Variants in DNAH9 observed in about 807,000 individuals in gnomAD.
DNAH9 encodes DNAH9 variant protein.
DNAH9 carries 345 observed loss-of-function variants against 471.6 expected under a neutral mutation model. The ratio of observed to expected loss-of-function variants is 0.73; its 90% CI spans 0.67 to 0.80. The LOEUF (loss-of-function observed/expected upper bound fraction) is 0.80, where lower values mean the gene tolerates loss of function less well. Among genes scored for constraint, DNAH9 ranks in the 30% least tolerant of loss-of-function variants. The pLI is 0.00. For synonymous variants in DNAH9, 2,093 were observed against 2,123.6 expected (o/e 0.99, Z 0.40); for missense variants, 5,407 against 5,609.2 (o/e 0.96, Z 1.15).
Position 11,768,683 on chromosome 17 carries a change from T to G in DNAH9, c.7344+57T>G, listed in dbSNP as rs1189580207. 16 of 1,580,044 alleles carry G rather than the reference T, an allele frequency of 1.0e-5. No individual in the cohort carries two copies. In the Admixed American group the frequency reaches 2.6e-4, roughly 25 times the overall value. ...TGCAGTTGCCCTCAAGGATCTGCAG[T>G]GGCTCCAGTAGCAGCCCCGCATGGC... On this transcript the variant is annotated intron_variant, in intron 37 of 68. Coordinates refer to ENST00000262442, the MANE Select transcript of DNAH9 (RefSeq NM_001372.4).
At chr17:11,720,757 A>G (rs2075042481) in intron 27 of DNAH9, among the ~76,000 whole-genome samples, 1 of 152,138 alleles carries the variant, frequency 6.6e-6, no homozygotes, top group Admixed American at 6.5e-5. Flanking sequence ...CTGTAGCACC[A>G]TGTTTTCTCG....
chr17:11,624,683 T>C (rs1444041136), intron 6 of DNAH9, among the ~76,000 whole-genome samples: 1 of 152,136 alleles, frequency 6.6e-6, no homozygotes, highest in Non-Finnish European at 1.5e-5. Context: ...CACCAAACTT[T>C]GATATCCTAT....
chr17:11,918,972 G>A (rs1974044996), intron 61 of DNAH9, among the ~76,000 whole-genome samples: 1 of 151,790 alleles, frequency 6.6e-6, no homozygotes, highest in Non-Finnish European at 1.5e-5. Flanking sequence ...GGTGACAAGC[G>A]AGAAACTCCA....
chr17:11,957,993 T>C (rs1283815562), intron 67 of DNAH9, among the ~76,000 whole-genome samples: 1 of 152,188 alleles, frequency 6.6e-6, no homozygotes, highest in East Asian at 1.9e-4. Context: ...TATTCGTAAC[T>C]GCCAAAACTT....
intron 52 of DNAH9, among the ~76,000 whole-genome samples, chr17:11,874,518 G>C (rs902141982): frequency 6.6e-6 from 1 of 152,270 alleles, no homozygotes; most frequent in South Asian, 2.1e-4. Context: ...GGTTTGTGCC[G>C]GTTGGTACAG....
intron 57 of DNAH9, among the ~76,000 whole-genome samples, chr17:11,888,737 C>T (rs1972958806): frequency 6.6e-6 from 1 of 152,092 alleles, no homozygotes; most frequent in South Asian, 2.1e-4. Flanking sequence ...ATATCGAAAC[C>T]ACAATGCATT....
At chr17:11,946,828 C>T (rs1975145078) in intron 67 of DNAH9, among the ~76,000 whole-genome samples, 2 of 152,092 alleles carry the variant, frequency 1.3e-5, no homozygotes, top group African/African-American at 4.8e-5. Flanking sequence ...GACAGGTCTA[C>T]CCATGTTAGC....
At chr17:11,949,188 A>G (rs1468979791) in intron 67 of DNAH9, among the ~76,000 whole-genome samples, 2 of 152,204 alleles carry the variant, frequency 1.3e-5, no homozygotes, top group South Asian at 2.1e-4. Flanking sequence ...GGGATGAATG[A>G]AAGGGTTAAG....
chr17:11,738,778 C>G, intron 28 of DNAH9, 102 bp from the exon 29 acceptor site: 2 of 990,510 alleles, frequency 2.0e-6, no homozygotes, highest in Non-Finnish European at 3.1e-6. Flanking sequence ...GTCCACAGGA[C>G]AGTTCTTCGT....
intron 61 of DNAH9, among the ~76,000 whole-genome samples, chr17:11,922,758 G>A (rs1486199241): frequency 2.0e-5 from 3 of 152,132 alleles, no homozygotes; most frequent in African/African-American, 7.2e-5. Context: ...AGGTTAATAG[G>A]GCATAAAGTA....
rs1974559660 is a variant in DNAH9, at chr17:11,932,680, C to A, written c.12297+475C>A. On this transcript the variant is annotated intron_variant, in intron 64 of 68. Transcript: ENST00000262442. This position sits in a 1 kb window ranked among gnomAD's most constrained non-coding sequence, Gnocchi z 4.3. ...AGGCAGTGCCAACCCCAGGACTAAC[C>A]CAAAGGCTGAGAATAGTACAACTGT... Among the ~76,000 whole-genome samples the A allele has an allele frequency of 6.6e-6, 1 of 152,152 alleles. No homozygotes were observed. The highest frequency in any genetic ancestry group is 2.1e-4 in the South Asian group (1 of 4,830).
At chr17:11,713,448 C>G (rs1373259521) in intron 26 of DNAH9, among the ~76,000 whole-genome samples, 4 of 151,712 alleles carry the variant, frequency 2.6e-5, no homozygotes, top group Non-Finnish European at 5.9e-5. Context: ...AAATGGTAGT[C>G]CTGCTTTTAG....
Position 11,937,296 on chromosome 17 carries a change from GGA to G in DNAH9, c.12490-53_12490-52del. 1 of 1,553,078 alleles carries G rather than the reference GGA, an allele frequency of 6.4e-7. No individual in the cohort carries two copies. The highest frequency in any genetic ancestry group is 8.7e-7 in the Non-Finnish European group (1 of 1,145,584). ...TCCCTGCAGAGGACAAGCCGGTGTGGGAGATGGGAGGTACGTCCTGGTTTCTT... is the reference window on the plus strand; with the variant it reads ...TCCCTGCAGAGGACAAGCCGGTGTGGGATGGGAGGTACGTCCTGGTTTCTT... On this transcript the variant is annotated intron_variant, in intron 65 of 68. Coordinates refer to ENST00000262442, the MANE Select transcript of DNAH9 (RefSeq NM_001372.4). This position sits in a 1 kb window ranked among gnomAD's most constrained non-coding sequence, Gnocchi z 4.1.
At chr17:11,936,502 GGC>G (rs1974718432) in intron 65 of DNAH9, among the ~76,000 whole-genome samples, 2 of 152,128 alleles carry the variant, frequency 1.3e-5, no homozygotes, top group Admixed American at 6.5e-5. Context: ...TGAGCATGGT[GGC>G]ATGTACCTGT....
At position 11,853,405 on chromosome 17, in the gene DNAH9, C is replaced by G. The variant is rs551492341; in HGVS notation, c.9508-598C>G. ...AGTGATTTGCCAAGATCAACTCTTT[C>G]AGCCGTGTCTTTCTGGAACAAGCAA... On this transcript the variant is annotated intron_variant, in intron 49 of 68. Transcript: ENST00000262442. Among the ~76,000 whole-genome samples, 3 of 152,302 alleles carry G rather than the reference C, an allele frequency of 2.0e-5. 1 individual carries two copies. The South Asian group carries it at 6.2e-4, about 32-fold the overall frequency.
intron 20 of DNAH9, among the ~76,000 whole-genome samples, chr17:11,692,168 G>A (rs1443576472): frequency 6.6e-6 from 1 of 151,942 alleles, no homozygotes; most frequent in Non-Finnish European, 1.5e-5. Context: ...GGCAGGCCTG[G>A]GCTTGAGTCC....
chr17:11,686,945 C>A lies in DNAH9; in HGVS notation c.3744-2621C>A, dbSNP rs117914259. 2.4e-3 allele frequency among the ~76,000 whole-genome samples: 363 copies of A among 152,250 alleles called. 9 individuals are homozygous for A. The East Asian group carries it at 0.043, about 18-fold the overall frequency. On this transcript the variant is annotated intron_variant, in intron 19 of 68. Transcript: ENST00000262442. ...GTTCACATTCTAAGTTCACTCTAGTCAAGATAAAAAGTGGAACCTACACAC... is the reference window on the plus strand; with the variant it reads ...GTTCACATTCTAAGTTCACTCTAGTAAAGATAAAAAGTGGAACCTACACAC...
chr17:11,805,915 C>T (rs527389369), intron 43 of DNAH9, among the ~76,000 whole-genome samples: 1 of 152,078 alleles, frequency 6.6e-6, no homozygotes, highest in South Asian at 2.1e-4. Flanking sequence ...TGAACCCTCT[C>T]CAGATGGGGT....
At chr17:11,834,933 CAG>C (rs1656913179) in intron 49 of DNAH9, 35 bp downstream of exon 49, 3 of 1,601,712 alleles carry the variant, frequency 1.9e-6, no homozygotes, top group Non-Finnish European at 2.6e-6. Context: ...GCTCATCCCT[CAG>C]GGGCTGGTAG....
Sources: gnomAD v4.1 joint callset for allele counts (sites outside exome capture counted in the v4.1 genomes callset) on GRCh38, gnomAD v4.1.1 for gene constraint, Gnocchi (gnomAD v3.1) non-coding constraint, MANE v1.5 for transcripts, NCBI Gene and HGNC (gene_info 2026-07-23, HGNC 2026-07-21) for gene names.